The following DPP10 variants were observed in gnomAD, a reference collection of about 807,000 sequenced individuals.
DPP10 encodes inactive dipeptidyl peptidase 10.
DPP10 carries 33 observed loss-of-function variants against 120.9 expected under a neutral mutation model. The ratio of observed to expected loss-of-function variants is 0.27; its 90% confidence interval spans 0.21 to 0.37. The LOEUF (loss-of-function observed/expected upper bound fraction) is 0.37. DPP10 is among the 10% of genes least tolerant of loss of function. The pLI, the probability that DPP10 is intolerant of heterozygous loss-of-function variation, is 1.00. For missense variants in DPP10, 816 were observed against 942.8 expected (o/e 0.87, Z 1.76); for synonymous variants, 337 against 326.1 (o/e 1.03, Z -0.36).
intron 5 of DPP10, among the ~76,000 whole-genome samples, chr2:115,589,852 T>G (rs772583776): frequency 2.0e-4 from 30 of 152,162 alleles, no homozygotes; most frequent in Non-Finnish European, 2.9e-4. Context: ...CAATGGATAG[T>G]TTCTGCCAAA....
chr2:115,429,944 G>A (rs1180011328), intron 3 of DPP10, among the ~76,000 whole-genome samples: 2 of 152,170 alleles, frequency 1.3e-5, no homozygotes, highest in African/African-American at 4.8e-5. Flanking sequence ...AGAGGAGTGT[G>A]ACTGGAAGTG....
intron 5 of DPP10, among the ~76,000 whole-genome samples, chr2:115,670,648 C>T (rs1056826024): frequency 6.6e-6 from 1 of 152,130 alleles, no homozygotes; most frequent in Non-Finnish European, 1.5e-5. Flanking sequence ...ATACCTACCA[C>T]TTAAAATATC....
intron 4 of DPP10, among the ~76,000 whole-genome samples, chr2:115,519,199 C>A (rs879616569): frequency 6.6e-6 from 1 of 151,840 alleles, no homozygotes; most frequent in Non-Finnish European, 1.5e-5. Context: ...ATAAAAATTG[C>A]TTTTTAAATG....
intron 8 of DPP10, among the ~76,000 whole-genome samples, chr2:115,736,517 T>A (rs1056453876): frequency 6.6e-6 from 1 of 152,124 alleles, no homozygotes; most frequent in Non-Finnish European, 1.5e-5. Context: ...AATGGATAAA[T>A]GTTTCTGTAA....
Position 114,732,251 on chromosome 2 carries a change from A to G in DPP10, c.60+289413A>G, listed in dbSNP as rs1293723309. ...CCTCCTGAAGTTTACATTGCAGTTAAGAAAACAGGAAACTGGACACACGAC... is the reference window on the plus strand; with the variant it reads ...CCTCCTGAAGTTTACATTGCAGTTAGGAAAACAGGAAACTGGACACACGAC... On this transcript the variant is annotated intron_variant, in intron 1 of 25. Transcript: ENST00000410059. Among the ~76,000 whole-genome samples, 24 of 152,234 alleles carry G rather than the reference A, an allele frequency of 1.6e-4. 1 individual carries two copies. Among genetic ancestry groups the G allele is most frequent in the Admixed American group, 1.6e-3 (24 of 15,284 alleles).
At chr2:115,285,247 G>A (rs2105895401) in intron 1 of DPP10, among the ~76,000 whole-genome samples, 1 of 152,134 alleles carries the variant, frequency 6.6e-6, no homozygotes, top group South Asian at 2.1e-4. Context: ...TACCTAGGCA[G>A]CTTTTATTGT....
intron 5 of DPP10, among the ~76,000 whole-genome samples, chr2:115,571,000 A>T (rs1575207963): frequency 6.6e-6 from 1 of 152,220 alleles, no homozygotes; most frequent in South Asian, 2.1e-4. Flanking sequence ...AGTGTAAATC[A>T]GGTTGTGGAA....
chr2:114,463,979 A>G (rs918831842), intron 1 of DPP10, among the ~76,000 whole-genome samples: 1 of 152,198 alleles, frequency 6.6e-6, no homozygotes, highest in African/African-American at 2.4e-5. Flanking sequence ...TTAATAGCTC[A>G]TTCTACTTTA....
At chr2:115,110,870 T>G (rs2049181338) in intron 1 of DPP10, among the ~76,000 whole-genome samples, 1 of 152,186 alleles carries the variant, frequency 6.6e-6, no homozygotes. Context: ...ATGTTCTCTT[T>G]CCTTTCCTGG....
chr2:115,590,441 G>C (rs903739726), intron 5 of DPP10, among the ~76,000 whole-genome samples: 6 of 152,080 alleles, frequency 3.9e-5, no homozygotes, highest in African/African-American at 7.2e-5. Context: ...CCTTGCGATA[G>C]TTTGCTGAGA....
rs937599695 is a variant in DPP10 at position 114,720,375 on chromosome 2, G to A, written c.60+277537G>A. Among the ~76,000 whole-genome samples the A allele has an allele frequency of 2.6e-5, 4 of 152,254 alleles. No homozygotes were observed. The East Asian group carries it at 7.7e-4, about 29-fold the overall frequency. On this transcript the variant is annotated intron_variant, in intron 1 of 25. Transcript: ENST00000410059. ...ATACATACTGAAACAAGAGCTAGTA[G>A]TGACAGTCTTAATAGTTTACTGCCA...
At chr2:114,956,481 A>G (rs1174867969) in intron 1 of DPP10, among the ~76,000 whole-genome samples, 1 of 152,166 alleles carries the variant, frequency 6.6e-6, no homozygotes, top group Non-Finnish European at 1.5e-5. Flanking sequence ...TCCCATGTTC[A>G]TGGATTGAAA....
chr2:115,764,850 A>G (rs1272165240), intron 12 of DPP10, among the ~76,000 whole-genome samples: 2 of 152,160 alleles, frequency 1.3e-5, no homozygotes, highest in African/African-American at 4.8e-5. Flanking sequence ...AAGAAGCAGC[A>G]AATTTCTAAG....
intron 5 of DPP10, among the ~76,000 whole-genome samples, chr2:115,681,542 A>G (rs1239067201): frequency 6.6e-6 from 1 of 151,782 alleles, no homozygotes; most frequent in Non-Finnish European, 1.5e-5. Flanking sequence ...TCTGGTTGTA[A>G]TCTCTTGGGC....
At chr2:114,690,037 G>A (rs1573973713) in intron 1 of DPP10, among the ~76,000 whole-genome samples, 1 of 151,890 alleles carries the variant, frequency 6.6e-6, no homozygotes, top group Admixed American at 6.6e-5. Context: ...TAGGTTGTCT[G>A]TTCACTCTGA....
chr2:114,455,754 A>C (rs6733788), intron 1 of DPP10, among the ~76,000 whole-genome samples: 150,432 of 150,492 alleles, frequency 1, 75,186 homozygotes, highest in Middle Eastern at 1. Flanking sequence ...TACCATTTTC[A>C]TGCTCAGTAA....
intron 4 of DPP10, among the ~76,000 whole-genome samples, chr2:115,519,880 C>A (rs1376448689): frequency 1.3e-5 from 2 of 152,296 alleles, no homozygotes; most frequent in East Asian, 3.9e-4. Context: ...ATGAAAGAAG[C>A]ATTTTCATAA....
intron 1 of DPP10, among the ~76,000 whole-genome samples, chr2:114,518,383 A>G (rs78708138): frequency 0.067 from 10,214 of 151,884 alleles, 462 homozygotes; most frequent in Middle Eastern, 0.11. Context: ...GGGCCTATTC[A>G]TTGTTTTTTT....
At chr2:115,067,808 G>A (rs1707025029) in intron 1 of DPP10, among the ~76,000 whole-genome samples, 1 of 142,710 alleles carries the variant, frequency 7.0e-6, no homozygotes, top group Admixed American at 7.4e-5. Context: ...CTTGCAGTGA[G>A]CTGAGATCCT....
Sources: gnomAD v4.1 joint callset for allele counts (sites outside exome capture counted in the v4.1 genomes callset) on GRCh38, gnomAD v4.1.1 for gene constraint, MANE v1.5 for transcripts, NCBI Gene and HGNC (gene_info 2026-07-23, HGNC 2026-07-21) for gene names.